The following CDC123 variants were observed in gnomAD, a reference collection of about 807,000 sequenced individuals.
The protein encoded by CDC123 is translation initiation factor eIF2 assembly protein.
CDC123 carries 37 observed loss-of-function variants against 54.4 expected under a neutral mutation model. The ratio of observed to expected loss-of-function variants is 0.68; its 90% CI spans 0.52 to 0.89. CDC123 has a LOEUF of 0.89. CDC123 is among the 40% of genes least tolerant of loss of function. The pLI is 0.00. For missense variants in CDC123, 361 were observed against 412.1 expected, an observed-to-expected ratio of 0.88 and a Z score of 1.07; for synonymous variants, 144 against 136.8, an observed-to-expected ratio of 1.05 and a Z score of -0.37.
At chr10:12,221,310 C>T (rs1000576619) in intron 6 of CDC123, among the ~76,000 whole-genome samples, 3 of 152,144 alleles carry the variant, frequency 2.0e-5, no homozygotes, top group Admixed American at 1.3e-4. Flanking sequence ...TTCCTTCCAC[C>T]ATCCTTGACT....
chr10:12,247,448 T>TC (rs1836165932), intron 11 of CDC123: 1 of 113,196 alleles, frequency 8.8e-6, no homozygotes, highest in East Asian at 2.7e-4. Flanking sequence ...CTCTCTCACC[T>TC]CCCCCTCAGG....
intron 6 of CDC123, among the ~76,000 whole-genome samples, chr10:12,226,534 A>C (rs1268192265): frequency 6.6e-6 from 1 of 150,524 alleles, no homozygotes; most frequent in African/African-American, 2.5e-5. Flanking sequence ...CTCACCTCCC[A>C]GACGGGGTGG....
intron 6 of CDC123, among the ~76,000 whole-genome samples, chr10:12,226,913 G>T (rs1293234756): frequency 6.6e-6 from 1 of 151,840 alleles, no homozygotes; most frequent in East Asian, 1.9e-4. Flanking sequence ...GCGGCTGGGA[G>T]GTGGAGGTTG....
chr10:12,202,970 G>T (rs1170910560), intron 2 of CDC123, among the ~76,000 whole-genome samples: 1 of 152,180 alleles, frequency 6.6e-6, no homozygotes, highest in Non-Finnish European at 1.5e-5. Flanking sequence ...AGCTGAGATC[G>T]CACCATTGCA....
chr10:12,234,478 G>A (rs961755132), intron 7 of CDC123, among the ~76,000 whole-genome samples: 1 of 152,204 alleles, frequency 6.6e-6, no homozygotes, highest in African/African-American at 2.4e-5. Context: ...CTCAGTCTCC[G>A]AAAGTGCTGG....
chr10:12,213,701 CTT>C (rs140611140), intron 4 of CDC123, among the ~76,000 whole-genome samples: 3,626 of 152,086 alleles, frequency 0.024, 143 homozygotes, highest in African/African-American at 0.083. Context: ...ATATAAAACT[CTT>C]TAATGCGTGT....
In CDC123 at chr10:12,231,029, T is replaced by A. The variant is rs1343312482; in HGVS notation, c.489+33T>A. On this transcript the variant is annotated intron_variant, in intron 7 of 12. Coordinates refer to ENST00000281141, the MANE Select transcript of CDC123 (RefSeq NM_006023.3). Reference sequence around the variant, plus strand: ...GCTTATTTTCTTTGATAATTGTAGATGAAGATGTGTTGAGAATTGCTATTT... The same window carrying A: ...GCTTATTTTCTTTGATAATTGTAGAAGAAGATGTGTTGAGAATTGCTATTT... The A allele has an allele frequency of 1.9e-6, 3 of 1,547,278 alleles. No homozygotes were observed. In the African/African-American group the frequency reaches 4.1e-5, roughly 21 times the overall value.
At chr10:12,219,846 C>T (rs1835711595) in intron 6 of CDC123, among the ~76,000 whole-genome samples, 2 of 152,120 alleles carry the variant, frequency 1.3e-5, no homozygotes, top group Admixed American at 1.3e-4. Context: ...CTACCACGCC[C>T]AGCTAATTTT....
intron 6 of CDC123, among the ~76,000 whole-genome samples, chr10:12,220,552 T>C (rs1835722403): frequency 6.6e-6 from 1 of 152,254 alleles, no homozygotes; most frequent in African/African-American, 2.4e-5. Context: ...TCACTTTGTC[T>C]AGAAGTAACT....
At chr10:12,230,275 C>T (rs1835882552) in intron 6 of CDC123, among the ~76,000 whole-genome samples, 1 of 151,968 alleles carries the variant, frequency 6.6e-6, no homozygotes, top group African/African-American at 2.4e-5. Context: ...TCACTGCATC[C>T]TCCGCCTCAC....
At chr10:12,217,908 T>C (rs1835682729) in intron 6 of CDC123, among the ~76,000 whole-genome samples, 1 of 151,980 alleles carries the variant, frequency 6.6e-6, no homozygotes, top group Admixed American at 6.6e-5. Flanking sequence ...GCCAATATAG[T>C]GAATCCCCGT....
intron 6 of CDC123, among the ~76,000 whole-genome samples, chr10:12,218,247 C>CTTTTTTTTT (rs34125393): frequency 1.7e-5 from 2 of 119,210 alleles, no homozygotes; most frequent in African/African-American, 3.1e-5. Flanking sequence ...CTTTTTTTTT[C>CTTTTTTTTT]TTTTTTTTTT....
intron 2 of CDC123, among the ~76,000 whole-genome samples, chr10:12,209,180 G>T (rs1835562301): frequency 6.6e-6 from 1 of 152,024 alleles, no homozygotes; most frequent in South Asian, 2.1e-4. Context: ...TGATATCTGA[G>T]AACAGGACAG....
chr10:12,201,937 T>G (rs1014801174), intron 2 of CDC123, among the ~76,000 whole-genome samples: 10 of 152,170 alleles, frequency 6.6e-5, no homozygotes, highest in African/African-American at 2.2e-4. Flanking sequence ...GACAGGAATG[T>G]GTCAAGAATT....
intron 6 of CDC123, among the ~76,000 whole-genome samples, chr10:12,227,515 T>C (rs1452019250): frequency 1.3e-5 from 2 of 151,986 alleles, no homozygotes; most frequent in African/African-American, 4.8e-5. Context: ...TTTTTCTTTA[T>C]GAGACAGAGT....
chr10:12,211,771 A>G (rs1163246974), intron 4 of CDC123, among the ~76,000 whole-genome samples: 1 of 152,184 alleles, frequency 6.6e-6, no homozygotes, highest in Non-Finnish European at 1.5e-5. Flanking sequence ...TCTGACCTGG[A>G]TTTTAATAGT....
Position 12,209,997 on chromosome 10 carries a change from C to G in CDC123, c.177C>G (p.Asp59Glu), listed in dbSNP as rs1835576280. The stretch of plus-strand genomic sequence containing the variant: ...ATCCACCAACACATTCTCAGCCAGA[C>G]AGTGATGATGAAGCAGAAGAAATAC... ...RDDPPTHSQP[D>E]SDDEAEEIQW... Residue 59 changes from aspartate to glutamate, a missense_variant, in exon 3 of 13, where the codon GAC becomes GAG. Transcript: ENST00000281141. 5 of 1,614,112 alleles carry G rather than the reference C, an allele frequency of 3.1e-6. No individual in the cohort carries two copies. The highest frequency in any genetic ancestry group is 4.2e-6 in the Non-Finnish European group (5 of 1,180,006).
At chr10:12,219,751 CT>C (rs1835709726) in intron 6 of CDC123, among the ~76,000 whole-genome samples, 1 of 148,912 alleles carries the variant, frequency 6.7e-6, no homozygotes, top group Non-Finnish European at 1.5e-5. Context: ...GTGGTGCAAT[CT>C]TGGCTCACTG....
chr10:12,246,582 C>A (rs1564260748), intron 11 of CDC123: 1 of 221,002 alleles, frequency 4.5e-6, no homozygotes, highest in Non-Finnish European at 8.9e-6. Context: ...CCTTCTGACC[C>A]CAGCCCCAGC....
Sources: gnomAD v4.1 joint callset for allele counts (sites outside exome capture counted in the v4.1 genomes callset) on GRCh38, gnomAD v4.1.1 for gene constraint, MANE v1.5 for transcripts, NCBI Gene and HGNC (gene_info 2026-07-23, HGNC 2026-07-21) for gene names.